Variants in PRELID2 observed in about 807,000 individuals in gnomAD.
PRELID2 encodes PRELI domain containing 2.
A neutral mutation model predicts 28.4 loss-of-function variants in PRELID2; 25 were observed. That is an observed-to-expected ratio of 0.88 (90% confidence interval 0.64 to 1.23). PRELID2 has a LOEUF of 1.23. PRELID2 is among the 50% of genes most tolerant of loss of function. The pLI is 0.00. For missense variants in PRELID2, 201 were observed against 214.4 expected, an observed-to-expected ratio of 0.94 and a Z score of 0.39; for synonymous variants, 76 against 71.6, an observed-to-expected ratio of 1.06 and a Z score of -0.31.
chr5:145,743,196 G>A (rs938075900), intron 1 of PRELID2, among the ~76,000 whole-genome samples: 1 of 151,848 alleles, frequency 6.6e-6, no homozygotes, highest in African/African-American at 2.4e-5. Flanking sequence ...ATCACCTGAG[G>A]TCAGGAGTTC....
At chr5:145,659,524 T>A (rs187412912) in intron 1 of PRELID2, among the ~76,000 whole-genome samples, 20 of 152,338 alleles carry the variant, frequency 1.3e-4, no homozygotes, top group Non-Finnish European at 2.5e-4. Context: ...GTTGGAATAT[T>A]CAAAACTGTA....
chr5:145,499,949 C>T (rs1309537855), intron 1 of PRELID2, among the ~76,000 whole-genome samples: 2 of 152,256 alleles, frequency 1.3e-5, no homozygotes, highest in Admixed American at 1.3e-4. Flanking sequence ...CCACACTTGG[C>T]TTTAATCTTG....
the PRELID2 span, among the ~76,000 whole-genome samples, chr5:145,356,466 T>C: frequency 1.3e-5 from 2 of 152,126 alleles, no homozygotes; most frequent in Non-Finnish European, 2.9e-5. Flanking sequence ...GTTGGGTATA[T>C]ATCTATTTTG....
intron 1 of PRELID2, among the ~76,000 whole-genome samples, chr5:145,658,621 C>G (rs1017706405): frequency 6.6e-6 from 1 of 152,200 alleles, no homozygotes; most frequent in Non-Finnish European, 1.5e-5. Flanking sequence ...AGCTCCCTCT[C>G]TCGCCACGGG....
intron 1 of PRELID2, among the ~76,000 whole-genome samples, chr5:145,550,838 T>C (rs1752827146): frequency 6.6e-6 from 1 of 152,172 alleles, no homozygotes; most frequent in Non-Finnish European, 1.5e-5. Flanking sequence ...AGTTTACTAT[T>C]TTTTTCTTAA....
intron 1 of PRELID2, among the ~76,000 whole-genome samples, chr5:145,523,962 G>C (rs1752585571): frequency 6.6e-6 from 1 of 152,144 alleles, no homozygotes; most frequent in African/African-American, 2.4e-5. Flanking sequence ...TGCCTAGAAG[G>C]AGAATTTCAC....
At chr5:145,678,274 C>T (rs1754861326) in intron 1 of PRELID2, among the ~76,000 whole-genome samples, 1 of 152,196 alleles carries the variant, frequency 6.6e-6, no homozygotes, top group Admixed American at 6.5e-5. Flanking sequence ...GAACCTAAAA[C>T]TACCTCCCTG....
chr5:145,684,777 T>C (rs1185351223), intron 1 of PRELID2, among the ~76,000 whole-genome samples: 1 of 152,156 alleles, frequency 6.6e-6, no homozygotes, highest in Non-Finnish European at 1.5e-5. Context: ...TGGGGGCAGG[T>C]AATGACCAGC....
chr5:145,537,003 G>T (rs1019120960), intron 1 of PRELID2, among the ~76,000 whole-genome samples: 8 of 151,696 alleles, frequency 5.3e-5, no homozygotes, highest in African/African-American at 1.7e-4. Flanking sequence ...AAATAAGCAA[G>T]TATTATCTAC....
At chr5:145,458,006 T>C in the PRELID2 span, among the ~76,000 whole-genome samples, 2 of 152,190 alleles carry the variant, frequency 1.3e-5, no homozygotes, top group African/African-American at 4.8e-5. Flanking sequence ...TTCTCAACCC[T>C]TATTATTCAA....
intron 1 of PRELID2, among the ~76,000 whole-genome samples, chr5:145,486,611 T>G (rs1163552125): frequency 6.6e-6 from 1 of 152,090 alleles, no homozygotes; most frequent in Non-Finnish European, 1.5e-5. Context: ...ACATGTAGAA[T>G]GTAAGGTGGC....
At chr5:145,571,778 G>C (rs1294773719) in intron 1 of PRELID2, among the ~76,000 whole-genome samples, 1 of 152,008 alleles carries the variant, frequency 6.6e-6, no homozygotes, top group Admixed American at 6.6e-5. Flanking sequence ...TCAGGAGATC[G>C]AGACCACCCT....
At chr5:145,564,472 T>G (rs530015038) in intron 1 of PRELID2, among the ~76,000 whole-genome samples, 12 of 152,210 alleles carry the variant, frequency 7.9e-5, no homozygotes, top group African/African-American at 2.9e-4. Flanking sequence ...TGTCCTGAAC[T>G]CTTGGTACAG....
At chr5:145,280,543 C>T in the PRELID2 span, among the ~76,000 whole-genome samples, 4 of 151,786 alleles carry the variant, frequency 2.6e-5, no homozygotes, top group Non-Finnish European at 5.9e-5. Context: ...GGAGATATAC[C>T]TAATGCTAAA....
At position 145,835,273 on chromosome 5, in the gene PRELID2, C is replaced by T. The variant is rs1387029489; in HGVS notation, c.-22G>A. The T allele has an allele frequency of 6.5e-7, 1 of 1,531,582 alleles. No homozygotes were observed. The highest frequency in any genetic ancestry group is 2.5e-5 in the East Asian group (1 of 40,688). 94.9% of individuals were successfully genotyped at this position (1,531,582 alleles called of 1,614,324 possible). On this transcript the variant is annotated 5_prime_UTR_variant, in exon 1 of 7. Transcript: ENST00000683046. ...CCATCCCCGCGCGCCGCGGGCCCCGCGCACCGGCCACGCCTCCGCGAGCTC... is the reference window on the plus strand; with the variant it reads ...CCATCCCCGCGCGCCGCGGGCCCCGTGCACCGGCCACGCCTCCGCGAGCTC...
chr5:145,610,002 T>A (rs1753587958), intron 1 of PRELID2, among the ~76,000 whole-genome samples: 1 of 152,186 alleles, frequency 6.6e-6, no homozygotes, highest in African/African-American at 2.4e-5. Context: ...GCTGGTCTGC[T>A]CCAGATCCCA....
chr5:145,390,954 A>C, the PRELID2 span, among the ~76,000 whole-genome samples: 2 of 152,224 alleles, frequency 1.3e-5, no homozygotes, highest in African/African-American at 4.8e-5. Flanking sequence ...TTAAAGTCCC[A>C]AAATAATCTC....
At chr5:145,761,234 A>C (rs1757459958) in intron 6 of PRELID2, among the ~76,000 whole-genome samples, 1 of 152,236 alleles carries the variant, frequency 6.6e-6, no homozygotes, top group South Asian at 2.1e-4. Flanking sequence ...AAGCTGAAAA[A>C]ATTGAGTAAA....
intron 1 of PRELID2, among the ~76,000 whole-genome samples, chr5:145,699,820 A>G (rs1407759192): frequency 1.3e-5 from 2 of 152,192 alleles, no homozygotes; most frequent in Non-Finnish European, 2.9e-5. Context: ...GAAAGAAAAC[A>G]TCACCATCAA....
Sources: allele counts gnomAD v4.1 joint callset (sites outside exome capture counted in the v4.1 genomes callset), GRCh38; gene constraint gnomAD v4.1.1; transcripts MANE v1.5; gene names NCBI Gene and HGNC (gene_info 2026-07-23, HGNC 2026-07-21).